The following SMC1B variants were observed in gnomAD, a reference collection of about 807,000 sequenced individuals.
The protein encoded by SMC1B is structural maintenance of chromosomes 1B.
A neutral mutation model predicts 157.9 loss-of-function variants in SMC1B; 60 were observed. The observed-to-expected ratio is 0.38, with a 90% CI of 0.31 to 0.47. The LOEUF (loss-of-function observed/expected upper bound fraction) is 0.47. Ranked by LOEUF, SMC1B falls within the 20% of genes least tolerant of loss-of-function variation. The pLI, the probability that SMC1B is intolerant of heterozygous loss-of-function variation, is 0.99. For missense variants in SMC1B, 1,165 were observed against 1,426.2 expected, an observed-to-expected ratio of 0.82 and a Z score of 2.95; for synonymous variants, 445 against 483.0, an observed-to-expected ratio of 0.92 and a Z score of 1.03.
At chr22:45,402,219 T>A (rs1290863262) in intron 5 of SMC1B, 114 bp downstream of exon 5, 4 of 775,110 alleles carry the variant, frequency 5.2e-6, no homozygotes, top group Non-Finnish European at 8.5e-6. Flanking sequence ...TATCTAAAAG[T>A]ATTCCAAAGT....
intron 4 of SMC1B, 60 bp downstream of exon 4, chr22:45,406,400 A>T (rs2087260029): frequency 7.0e-7 from 1 of 1,420,178 alleles, no homozygotes; most frequent in Non-Finnish European, 9.7e-7. Flanking sequence ...ATACCTAGTG[A>T]TTCTAACATA....
intron 4 of SMC1B, 151 bp from the exon 5 acceptor site, chr22:45,402,722 G>A (rs574157915): frequency 2.9e-6 from 2 of 682,610 alleles, no homozygotes; most frequent in South Asian, 3.6e-5. Context: ...TTTGGCGAGG[G>A]TTTCTGAATA....
intron 1 of SMC1B, among the ~76,000 whole-genome samples, chr22:45,410,994 T>C (rs2087326406): frequency 6.6e-6 from 1 of 152,252 alleles, no homozygotes; most frequent in Non-Finnish European, 1.5e-5. Flanking sequence ...TTAAGTAATT[T>C]AAGTATTAAG....
chr22:45,359,772 C>T (rs780450249), intron 18 of SMC1B, 33 bp downstream of exon 18: 27 of 1,600,384 alleles, frequency 1.7e-5, no homozygotes, highest in East Asian at 6.7e-5. Context: ...TTCCACACAA[C>T]GGCACATATT....
intron 13 of SMC1B, 64 bp downstream of exon 13, chr22:45,372,091 G>T: frequency 1.5e-6 from 2 of 1,357,310 alleles, no homozygotes; most frequent in Non-Finnish European, 2.0e-6. Context: ...CTATATAAAT[G>T]TAATTCCTGA....
chr22:45,344,496 G>T lies in SMC1B; in HGVS notation c.*60C>A. On this transcript the variant is annotated 3_prime_UTR_variant, in exon 25 of 25. Coordinates refer to ENST00000357450, the MANE Select transcript of SMC1B (RefSeq NM_148674.5). ...TGCTCCAGAAGTCTCCTGTGGAGGA[G>T]CTGTGTGAGTATTAGAGTGGGAACT... 2 of 1,207,512 alleles carry T rather than the reference G, an allele frequency of 1.7e-6. No individual in the cohort carries two copies. The highest frequency in any genetic ancestry group is 1.2e-5 in the South Asian group (1 of 81,244). 74.8% of individuals were successfully genotyped at this position (1,207,512 alleles called of 1,614,324 possible).
chr22:45,348,750 G>A (rs1011532986), intron 23 of SMC1B, among the ~76,000 whole-genome samples: 3 of 150,392 alleles, frequency 2.0e-5, no homozygotes, highest in African/African-American at 7.4e-5. Context: ...TTTTCCTGGA[G>A]TGCAGTGGCA....
chr22:45,358,839 G>A, intron 18 of SMC1B, 44 bp from the exon 19 acceptor site: 1 of 1,433,492 alleles, frequency 7.0e-7, no homozygotes, highest in East Asian at 2.3e-5. Context: ...TAAGTTTGTT[G>A]TCTTATATGG....
chr22:45,382,408 A>G (rs2146813010), intron 12 of SMC1B, among the ~76,000 whole-genome samples: 1 of 152,338 alleles, frequency 6.6e-6, no homozygotes, highest in East Asian at 1.9e-4. Flanking sequence ...GAAAGTCTAG[A>G]AGAGGAAAAA....
chr22:45,395,194 T>C (rs2087109189), intron 7 of SMC1B, among the ~76,000 whole-genome samples: 1 of 152,142 alleles, frequency 6.6e-6, no homozygotes. Flanking sequence ...TAATGTCTGG[T>C]AGGAGAGACA....
At chr22:45,397,141 A>T in intron 6 of SMC1B, among the ~76,000 whole-genome samples, 1 of 149,546 alleles carries the variant, frequency 6.7e-6, no homozygotes, top group Non-Finnish European at 1.5e-5. Flanking sequence ...AAAAAAATAT[A>T]TCATTTTCTC....
chr22:45,372,168 A>G lies in SMC1B; in HGVS notation c.2183T>C (p.Val728Ala). The change falls in exon 13 of 25, where the codon GTT (valine) becomes GCT (alanine). Residue 728 changes from valine (V) to alanine (A), a missense_variant. By Grantham distance (64) the Val-to-Ala change is moderately conservative. Transcript: ENST00000357450. Reference sequence around the variant, plus strand: ...AGTCTATATTACCTGGTAAAAAGCAACAAGGTGCTTCTTCTTAATCATCTC... The same window carrying G: ...AGTCTATATTACCTGGTAAAAAGCAGCAAGGTGCTTCTTCTTAATCATCTC... The part of the protein sequence containing the change: ...ELEMIKKKHL[V>A]AFYQEQSQLQ... 6.2e-7 allele frequency: 1 copy of G among 1,606,516 alleles called. No homozygotes were observed. Among genetic ancestry groups the G allele is most frequent in the South Asian group, 1.1e-5 (1 of 89,070 alleles).
chr22:45,344,940 G>A (rs2086535653), intron 24 of SMC1B, among the ~76,000 whole-genome samples: 1 of 152,132 alleles, frequency 6.6e-6, no homozygotes, highest in African/African-American at 2.4e-5. Flanking sequence ...AATCCTAACT[G>A]TCCAAAACCA....
chr22:45,377,292 T>C (rs2086892263), intron 12 of SMC1B, among the ~76,000 whole-genome samples: 1 of 152,184 alleles, frequency 6.6e-6, no homozygotes, highest in African/African-American at 2.4e-5. Flanking sequence ...AGCTTTTAGA[T>C]TTGCCCCTTT....
chr22:45,406,217 C>T (rs1318112900), intron 4 of SMC1B, among the ~76,000 whole-genome samples: 1 of 152,158 alleles, frequency 6.6e-6, no homozygotes, highest in Admixed American at 6.5e-5. Flanking sequence ...ACATAAACCC[C>T]TCAAGCTTGT....
At chr22:45,392,561 ACTC>A (rs570501601) in intron 9 of SMC1B, among the ~76,000 whole-genome samples, 41 of 150,582 alleles carry the variant, frequency 2.7e-4, no homozygotes, top group African/African-American at 1.0e-3. Flanking sequence ...ACCTAGATTT[ACTC>A]CTCCATCATT....
intron 23 of SMC1B, among the ~76,000 whole-genome samples, chr22:45,346,245 T>G (rs963025845): frequency 4.6e-5 from 7 of 152,126 alleles, no homozygotes; most frequent in African/African-American, 7.2e-5. Context: ...ATTTCCACCT[T>G]CCTATTTTGC....
chr22:45,384,712 T>G (rs2086972704), intron 11 of SMC1B, among the ~76,000 whole-genome samples: 1 of 148,458 alleles, frequency 6.7e-6, no homozygotes, highest in Non-Finnish European at 1.5e-5. Flanking sequence ...AGAGCAAGAC[T>G]CCATTTCAAA....
At chr22:45,409,701 C>T (rs767717851) in intron 1 of SMC1B, among the ~76,000 whole-genome samples, 2 of 151,996 alleles carry the variant, frequency 1.3e-5, no homozygotes, top group African/African-American at 4.8e-5. Flanking sequence ...ATTTATATAG[C>T]AGGCTTGATA....
Sources: gnomAD v4.1 joint callset for allele counts (sites outside exome capture counted in the v4.1 genomes callset) on GRCh38, gnomAD v4.1.1 for gene constraint, MANE v1.5 for transcripts, NCBI Gene and HGNC (gene_info 2026-07-23, HGNC 2026-07-21) for gene names.